The following ADAMTS19 variants were observed in gnomAD, a reference collection of about 807,000 sequenced individuals.
ADAMTS19 encodes the protein ADAM metallopeptidase with thrombospondin type 1 motif 19.
A neutral mutation model predicts 153.3 loss-of-function variants in ADAMTS19; 93 were observed. That is an observed-to-expected ratio of 0.61 (90% CI 0.51 to 0.72). The LOEUF (loss-of-function observed/expected upper bound fraction) is 0.72. ADAMTS19 is among the 30% of genes least tolerant of loss of function. The probability of loss-of-function intolerance (pLI) is 0.00; values close to 1 mark genes in which losing one functional copy is unlikely to be tolerated. For synonymous variants in ADAMTS19, 600 were observed against 556.6 expected (o/e 1.08, Z -1.10); for missense variants, 1,482 against 1,552.1 (o/e 0.95, Z 0.76).
chr5:129,615,389 G>A (rs962080240), intron 8 of ADAMTS19, among the ~76,000 whole-genome samples: 1 of 151,942 alleles, frequency 6.6e-6, no homozygotes, highest in East Asian at 1.9e-4. Flanking sequence ...TTGCTTTCCA[G>A]AATTTTAAGT....
At position 129,737,269 on chromosome 5, in the gene ADAMTS19, AAC is replaced by A. The variant is rs747851080; in HGVS notation, c.*60_*61del. On this transcript the variant is annotated 3_prime_UTR_variant, in exon 23 of 23. Coordinates refer to ENST00000274487, the MANE Select transcript of ADAMTS19 (RefSeq NM_133638.6). ...GCTCTTGGCAATTACATTATTTATAAACACACACACTAGCATGTTTTTCAGAC... is the reference window on the plus strand; with the variant it reads ...GCTCTTGGCAATTACATTATTTATAAACACACACTAGCATGTTTTTCAGAC... The A allele has an allele frequency of 1.0e-5, 15 of 1,460,990 alleles. No homozygotes were observed. The Admixed American group carries it at 1.9e-4, about 18-fold the overall frequency. The allele number at this position is 1,460,990 out of a possible 1,614,324, so 90.5% of individuals were successfully genotyped here.
chr5:129,593,758 C>A (rs1301431410), intron 7 of ADAMTS19, among the ~76,000 whole-genome samples: 2 of 152,150 alleles, frequency 1.3e-5, no homozygotes, highest in African/African-American at 4.8e-5. Flanking sequence ...GGATGAATAT[C>A]ACTCAACTGA....
chr5:129,668,385 G>T (rs895340613), intron 16 of ADAMTS19, among the ~76,000 whole-genome samples: 2 of 152,118 alleles, frequency 1.3e-5, no homozygotes, highest in Non-Finnish European at 2.9e-5. Context: ...ATAAACAACA[G>T]AAATGTATTG....
chr5:129,620,831 C>A, intron 9 of ADAMTS19, 73 bp downstream of exon 9: 1 of 1,500,816 alleles, frequency 6.7e-7, no homozygotes, highest in Non-Finnish European at 9.0e-7. Flanking sequence ...ATAGAGAAGC[C>A]AGTGTGGCAA....
At position 129,620,381 on chromosome 5, in the gene ADAMTS19, G is replaced by A. The variant is rs1561607661; in HGVS notation, c.1479-237G>A. ...AAGGACCTAAACATGTCATTTTATAGGTTGATTAGGGAAATGTTTTTTATT... is the reference window on the plus strand; with the variant it reads ...AAGGACCTAAACATGTCATTTTATAAGTTGATTAGGGAAATGTTTTTTATT... On this transcript the variant is annotated intron_variant, in intron 8 of 22. Coordinates refer to ENST00000274487, the MANE Select transcript of ADAMTS19 (RefSeq NM_133638.6). Among the ~76,000 whole-genome samples, 4 of 151,940 alleles carry A rather than the reference G, an allele frequency of 2.6e-5. No individual in the cohort carries two copies. The East Asian group carries it at 7.7e-4, about 29-fold the overall frequency.
chr5:129,546,766 G>C (rs1309420613), intron 6 of ADAMTS19, among the ~76,000 whole-genome samples: 1 of 151,136 alleles, frequency 6.6e-6, no homozygotes, highest in African/African-American at 2.5e-5. Context: ...AGAATAGTGA[G>C]ATGTCTAGAA....
intron 8 of ADAMTS19, 88 bp downstream of exon 8, chr5:129,596,752 T>A: frequency 2.0e-6 from 2 of 981,222 alleles, no homozygotes; most frequent in Non-Finnish European, 3.0e-6. Context: ...TTCTGATTTT[T>A]AATTTGGGCT....
At chr5:129,492,163 G>A (rs930865118) in intron 2 of ADAMTS19, among the ~76,000 whole-genome samples, 116 of 152,284 alleles carry the variant, frequency 7.6e-4, no homozygotes, top group African/African-American at 2.5e-3. Context: ...CTCACATGGC[G>A]AAAGCAGGAG....
chr5:129,629,433 C>CA (rs1326791144), intron 10 of ADAMTS19, among the ~76,000 whole-genome samples: 1 of 151,918 alleles, frequency 6.6e-6, no homozygotes, highest in Non-Finnish European at 1.5e-5. Flanking sequence ...ATGTTTCAGG[C>CA]AAAATCTTAA....
intron 8 of ADAMTS19, among the ~76,000 whole-genome samples, chr5:129,616,466 A>T (rs1003002853): frequency 3.9e-5 from 6 of 152,046 alleles, no homozygotes; most frequent in Non-Finnish European, 7.4e-5. Context: ...TTATCCAAAA[A>T]AATGAGTGAA....
At chr5:129,554,224 A>G (rs1233338812) in intron 7 of ADAMTS19, among the ~76,000 whole-genome samples, 1 of 152,122 alleles carries the variant, frequency 6.6e-6, no homozygotes, top group African/African-American at 2.4e-5. Context: ...TATTTATAAG[A>G]TTTATAAAGA....
chr5:129,551,107 A>G (rs1164798223), intron 6 of ADAMTS19, among the ~76,000 whole-genome samples: 2 of 151,706 alleles, frequency 1.3e-5, no homozygotes, highest in African/African-American at 2.4e-5. Flanking sequence ...CTCTATCTTT[A>G]TGATGAGGTG....
intron 21 of ADAMTS19, among the ~76,000 whole-genome samples, chr5:129,712,553 C>T (rs1561664540): frequency 6.6e-6 from 1 of 152,036 alleles, no homozygotes; most frequent in Non-Finnish European, 1.5e-5. Context: ...ATTGTTTTGT[C>T]TCTGTCTCTT....
intron 2 of ADAMTS19, among the ~76,000 whole-genome samples, chr5:129,506,349 T>C (rs891625004): frequency 6.6e-6 from 1 of 152,146 alleles, no homozygotes; most frequent in African/African-American, 2.4e-5. Flanking sequence ...TAAACATGTA[T>C]TGAATGAATG....
chr5:129,693,854 CT>C (rs2127146800), intron 18 of ADAMTS19, among the ~76,000 whole-genome samples: 1 of 152,192 alleles, frequency 6.6e-6, no homozygotes, highest in East Asian at 1.9e-4. Context: ...CATTTCTTTT[CT>C]TACAGATGAT....
chr5:129,521,230 A>G (rs982231901), intron 3 of ADAMTS19, among the ~76,000 whole-genome samples: 3 of 152,176 alleles, frequency 2.0e-5, no homozygotes, highest in Non-Finnish European at 4.4e-5. Context: ...TTATTTGATA[A>G]TCAAAATGTA....
chr5:129,672,529 G>A (rs1339826292), intron 16 of ADAMTS19, among the ~76,000 whole-genome samples: 1 of 152,146 alleles, frequency 6.6e-6, no homozygotes, highest in Non-Finnish European at 1.5e-5. Flanking sequence ...CAAAGTGGGA[G>A]CTCTAGTAGG....
At chr5:129,655,258 GTTGT>G (rs1168884044) in intron 14 of ADAMTS19, among the ~76,000 whole-genome samples, 1 of 152,190 alleles carries the variant, frequency 6.6e-6, no homozygotes, top group African/African-American at 2.4e-5. Context: ...GGGCTTGAGA[GTTGT>G]TACCATTTTG....
intron 21 of ADAMTS19, among the ~76,000 whole-genome samples, chr5:129,716,105 T>C (rs1351592065): frequency 6.6e-6 from 1 of 152,058 alleles, no homozygotes; most frequent in African/African-American, 2.4e-5. Flanking sequence ...GAGTTGAGAG[T>C]ACCCTATCTT....
Sources: allele counts gnomAD v4.1 joint callset (sites outside exome capture counted in the v4.1 genomes callset), GRCh38; gene constraint gnomAD v4.1.1; transcripts MANE v1.5; gene names NCBI Gene and HGNC (gene_info 2026-07-23, HGNC 2026-07-21).